CREB5: variants seen among roughly 807,000 people sequenced by gnomAD.
CREB5 encodes the protein cAMP responsive element binding protein 5, also known as cyclic AMP-responsive element-binding protein 5.
A neutral mutation model predicts 57.1 loss-of-function variants in CREB5; 19 were observed. That is an observed-to-expected ratio of 0.33 (90% CI 0.23 to 0.49). The LOEUF is 0.49. Ranked by LOEUF, CREB5 falls within the 20% of genes least tolerant of loss-of-function variation. CREB5 has a pLI of 0.99. For missense variants in CREB5, 579 were observed against 671.6 expected, an observed-to-expected ratio of 0.86 and a Z score of 1.52; for synonymous variants, 238 against 238.3, an observed-to-expected ratio of 1.00 and a Z score of 0.01.
intron 7 of CREB5, among the ~76,000 whole-genome samples, chr7:28,798,365 A>AGGCTGGGTGT (rs1554300799): frequency 1.4e-5 from 2 of 142,810 alleles, no homozygotes; most frequent in African/African-American, 5.3e-5. Flanking sequence ...TAAATTGCCC[A>AGGCTGGGTGT]GGGTGGGTGT....
chr7:28,684,296 G>A (rs988725509), intron 5 of CREB5, among the ~76,000 whole-genome samples: 8 of 152,264 alleles, frequency 5.3e-5, no homozygotes, highest in Admixed American at 2.0e-4. Context: ...CTTCAGTGGC[G>A]CCAGCTGTAA....
chr7:28,788,088 G>C (rs1296047293), intron 7 of CREB5, among the ~76,000 whole-genome samples: 1 of 152,116 alleles, frequency 6.6e-6, no homozygotes, highest in African/African-American at 2.4e-5. Flanking sequence ...AGTTAACCTG[G>C]CTGTCAGGTT....
At chr7:28,763,811 T>TTA (rs10692164) in intron 7 of CREB5, among the ~76,000 whole-genome samples, 35,233 of 96,022 alleles carry the variant, frequency 0.37, 4,966 homozygotes, top group Non-Finnish European at 0.44. Context: ...ATTATTATTA[T>TTA]TTTTTTTTGA....
intron 1 of CREB5, among the ~76,000 whole-genome samples, chr7:28,306,559 T>TTTG: frequency 1.1e-5 from 1 of 91,752 alleles, no homozygotes; most frequent in African/African-American, 4.3e-5. Flanking sequence ...TTTTTTGTTT[T>TTTG]TTTTTTTTTT....
rs549413053 is a variant in CREB5, at chr7:28,481,086, TACGTGAGAGG to T, written c.4-7081_4-7072del. On this transcript the variant is annotated intron_variant, in intron 1 of 10. Transcript: ENST00000357727. ...ATAAAACCACAAACCTCTGCAGAAG[TACGTGAGAGG>T]ACGTGAGCCCCCAGCACTCTCTCCT... is the stretch of plus-strand genomic sequence containing the variant. Among the ~76,000 whole-genome samples, 128 of 152,318 alleles carry T rather than the reference TACGTGAGAGG, an allele frequency of 8.4e-4. 1 individual carries two copies. The highest frequency in any genetic ancestry group is 2.9e-3 in the African/African-American group (121 of 41,570).
chr7:28,349,584 G>A (rs1403017058), intron 1 of CREB5, among the ~76,000 whole-genome samples: 2 of 152,024 alleles, frequency 1.3e-5, no homozygotes, highest in Non-Finnish European at 2.9e-5. Flanking sequence ...TACGGCCTAT[G>A]AACCAACTAA....
intron 2 of CREB5, among the ~76,000 whole-genome samples, chr7:28,492,412 C>T (rs181841508): frequency 1.3e-5 from 2 of 152,150 alleles, no homozygotes; most frequent in African/African-American, 2.4e-5. Context: ...TCTCTCTTTG[C>T]CTTCTAAATG....
intron 1 of CREB5, among the ~76,000 whole-genome samples, chr7:28,426,928 C>T (rs1258330369): frequency 1.3e-5 from 2 of 152,170 alleles, no homozygotes; most frequent in African/African-American, 4.8e-5. Flanking sequence ...GAGACACTCA[C>T]TCATTGCTGC....
At chr7:28,483,063 A>C (rs944450897) in intron 1 of CREB5, among the ~76,000 whole-genome samples, 2 of 152,386 alleles carry the variant, frequency 1.3e-5, no homozygotes, top group Non-Finnish European at 2.9e-5. Flanking sequence ...TGATTACAGC[A>C]AACCAGATGA....
intron 7 of CREB5, among the ~76,000 whole-genome samples, chr7:28,757,162 G>A (rs545862806): frequency 3.9e-5 from 6 of 152,210 alleles, no homozygotes; most frequent in East Asian, 1.9e-4. Context: ...GTAAATTCTC[G>A]CAACCGTCGT....
intron 4 of CREB5, among the ~76,000 whole-genome samples, chr7:28,539,852 A>G (rs1418080625): frequency 6.6e-6 from 1 of 152,216 alleles, no homozygotes; most frequent in African/African-American, 2.4e-5. Context: ...CCATCATGGT[A>G]TCAGTTTTGA....
At chr7:28,731,166 T>C (rs577542538) in intron 7 of CREB5, among the ~76,000 whole-genome samples, 2 of 152,296 alleles carry the variant, frequency 1.3e-5, no homozygotes, top group Non-Finnish European at 2.9e-5. Context: ...AAACCCCATC[T>C]CCTTTCTGCT....
At position 28,454,212 on chromosome 7, in the gene CREB5, C is replaced by G. The variant is rs374955576; in HGVS notation, c.4-33963C>G. On this transcript the variant is annotated intron_variant, in intron 1 of 10. Transcript: ENST00000357727. Reference sequence around the variant, plus strand: ...TCGTGGTCTGCCTGCCTCGGCCTCCCAAAGTGCTGGGTTTACAGGCATGAG... The same window carrying G: ...TCGTGGTCTGCCTGCCTCGGCCTCCGAAAGTGCTGGGTTTACAGGCATGAG... 7.2e-5 allele frequency among the ~76,000 whole-genome samples: 11 copies of G among 152,270 alleles called. No homozygotes were observed. The East Asian group carries it at 1.9e-3, about 27-fold the overall frequency.
At chr7:28,438,674 G>A (rs186375199) in intron 1 of CREB5, among the ~76,000 whole-genome samples, 1 of 152,210 alleles carries the variant, frequency 6.6e-6, no homozygotes, top group African/African-American at 2.4e-5. Flanking sequence ...TTACATACAC[G>A]TTAACCTTTT....
chr7:28,330,826 G>T (rs1283362745), intron 1 of CREB5, among the ~76,000 whole-genome samples: 1 of 152,172 alleles, frequency 6.6e-6, no homozygotes, highest in African/African-American at 2.4e-5. Context: ...AGCCAAAATG[G>T]CTGGAAAAAT....
chr7:28,499,050 G>A (rs1289997911), intron 3 of CREB5, among the ~76,000 whole-genome samples: 5 of 151,920 alleles, frequency 3.3e-5, no homozygotes, highest in South Asian at 2.1e-4. Context: ...TCAGCAGAGC[G>A]GTAAAGAGGG....
chr7:28,813,463 C>T (rs1157651272), intron 9 of CREB5, among the ~76,000 whole-genome samples: 1 of 152,144 alleles, frequency 6.6e-6, no homozygotes, highest in African/African-American at 2.4e-5. Context: ...AGGTCTGGGA[C>T]TTGGCAAGCG....
chr7:28,605,285 A>G (rs1421864050), intron 5 of CREB5, among the ~76,000 whole-genome samples: 1 of 152,198 alleles, frequency 6.6e-6, no homozygotes. Flanking sequence ...ACTTTAAGTG[A>G]GAGCAATGTT....
intron 7 of CREB5, among the ~76,000 whole-genome samples, chr7:28,735,689 A>T (rs1037480091): frequency 1.3e-5 from 2 of 152,204 alleles, no homozygotes; most frequent in African/African-American, 4.8e-5. Flanking sequence ...AACACCTGGC[A>T]TATAGTTGCT....
Sources: allele counts gnomAD v4.1 joint callset (sites outside exome capture counted in the v4.1 genomes callset), GRCh38; gene constraint gnomAD v4.1.1; transcripts MANE v1.5; gene names NCBI Gene and HGNC (gene_info 2026-07-23, HGNC 2026-07-21).